RGS6: variants seen among roughly 807,000 people sequenced by gnomAD.
The protein encoded by RGS6 is regulator of G-protein signaling 6.
RGS6 carries 30 observed loss-of-function variants against 78.5 expected under a neutral mutation model. That is an observed-to-expected ratio of 0.38 (90% CI 0.29 to 0.52). RGS6 has a LOEUF of 0.52. Among genes scored for constraint, RGS6 ranks in the 20% least tolerant of loss-of-function variants. The pLI is 0.85. For missense variants in RGS6, 495 were observed against 609.7 expected, an observed-to-expected ratio of 0.81 and a Z score of 1.98; for synonymous variants, 206 against 206.0, an observed-to-expected ratio of 1.00 and a Z score of 0.00.
chr14:72,403,770 A>G (rs566895271), intron 3 of RGS6, among the ~76,000 whole-genome samples: 75 of 152,338 alleles, frequency 4.9e-4, no homozygotes, highest in Non-Finnish European at 3.5e-4. Flanking sequence ...TATTGAAAGC[A>G]AAAGAAAAAA....
intron 10 of RGS6, 57 bp downstream of exon 10, chr14:72,474,756 G>C (rs1227710004): frequency 1.0e-5 from 14 of 1,363,210 alleles, no homozygotes; most frequent in Non-Finnish European, 1.3e-5. Flanking sequence ...TCCAGTTCTA[G>C]TACTATTCAA....
the RGS6 span, among the ~76,000 whole-genome samples, chr14:71,872,946 C>G: frequency 6.6e-6 from 1 of 152,162 alleles, no homozygotes; most frequent in Non-Finnish European, 1.5e-5. Flanking sequence ...CCAACTTCAT[C>G]CATGACCCTA....
Position 72,020,487 on chromosome 14 carries a change from G to A in RGS6, c.84+55612G>A, listed in dbSNP as rs973642406. ...CATGGTCTGAGGTGTGACCTTCATG[G>A]TGGGCACACCTTGTCTCTCTTCTCT... On this transcript the variant is annotated intron_variant, in intron 2 of 17. Transcript: ENST00000553525. Among the ~76,000 whole-genome samples, 22 of 152,152 alleles carry A rather than the reference G, an allele frequency of 1.4e-4. 1 individual carries two copies. The highest frequency in any genetic ancestry group is 2.6e-4 in the Non-Finnish European group (18 of 68,032).
chr14:72,361,165 C>T (rs979255022), intron 3 of RGS6, among the ~76,000 whole-genome samples: 1 of 149,158 alleles, frequency 6.7e-6, no homozygotes, highest in African/African-American at 2.5e-5. Flanking sequence ...ATACAGTGAC[C>T]TTCTTAGGAT....
At chr14:72,476,300 C>G (rs548642379) in intron 10 of RGS6, among the ~76,000 whole-genome samples, 1 of 152,214 alleles carries the variant, frequency 6.6e-6, no homozygotes, top group Non-Finnish European at 1.5e-5. Flanking sequence ...TGTGCATACT[C>G]TTTGGCAGTG....
chr14:72,329,834 C>G (rs2152564482), intron 2 of RGS6, among the ~76,000 whole-genome samples: 2 of 152,274 alleles, frequency 1.3e-5, no homozygotes, highest in Non-Finnish European at 2.9e-5. Context: ...GTGCAACTGT[C>G]TCCTAGATGG....
intron 12 of RGS6, among the ~76,000 whole-genome samples, chr14:72,489,251 G>C (rs1404731891): frequency 6.6e-6 from 1 of 151,038 alleles, no homozygotes; most frequent in Non-Finnish European, 1.5e-5. Flanking sequence ...ATGTCATCGT[G>C]ACTCAGATCC....
At chr14:72,125,928 G>A (rs1331990938) in intron 2 of RGS6, among the ~76,000 whole-genome samples, 1 of 152,182 alleles carries the variant, frequency 6.6e-6, no homozygotes, top group East Asian at 1.9e-4. Context: ...CTGTTACCAT[G>A]ATGACCTATA....
At chr14:72,006,539 A>C (rs939530387) in intron 2 of RGS6, among the ~76,000 whole-genome samples, 1 of 152,212 alleles carries the variant, frequency 6.6e-6, no homozygotes, top group African/African-American at 2.4e-5. Context: ...CTAATAAAAA[A>C]TGGAAGCTGG....
chr14:72,315,413 A>G (rs1018138687), intron 2 of RGS6, among the ~76,000 whole-genome samples: 3 of 152,268 alleles, frequency 2.0e-5, no homozygotes, highest in Admixed American at 1.3e-4. Flanking sequence ...TTGGAAGTAT[A>G]TAGCACCTGC....
chr14:72,041,053 G>C (rs940562522), intron 2 of RGS6, among the ~76,000 whole-genome samples: 5 of 152,048 alleles, frequency 3.3e-5, no homozygotes, highest in African/African-American at 1.2e-4. Context: ...TGAATCCTTT[G>C]TCAGGTAATT....
At chr14:72,132,130 T>C (rs1224594787) in intron 2 of RGS6, among the ~76,000 whole-genome samples, 1 of 152,210 alleles carries the variant, frequency 6.6e-6, no homozygotes, top group East Asian at 1.9e-4. Flanking sequence ...CTATTGGACC[T>C]GATTAATTTA....
chr14:72,006,987 A>G (rs2084691629), intron 2 of RGS6, among the ~76,000 whole-genome samples: 2 of 152,162 alleles, frequency 1.3e-5, no homozygotes, highest in South Asian at 2.1e-4. Context: ...GAGAAATCCT[A>G]TTGGAAACTG....
intron 3 of RGS6, among the ~76,000 whole-genome samples, chr14:72,393,814 T>C (rs1287320468): frequency 6.6e-6 from 1 of 152,134 alleles, no homozygotes; most frequent in Non-Finnish European, 1.5e-5. Context: ...AGAAGGAAAA[T>C]AGACGAGTCT....
chr14:72,531,291 G>C (rs1248314318), intron 15 of RGS6, among the ~76,000 whole-genome samples: 2 of 152,100 alleles, frequency 1.3e-5, no homozygotes, highest in African/African-American at 4.8e-5. Flanking sequence ...AAATCAGCTG[G>C]GTGTGGTGGT....
At chr14:72,026,837 T>C (rs929525802) in intron 2 of RGS6, among the ~76,000 whole-genome samples, 7 of 152,188 alleles carry the variant, frequency 4.6e-5, no homozygotes, top group African/African-American at 1.4e-4. Context: ...CATCAGTATG[T>C]ATGTAGTGTA....
chr14:71,961,617 C>G (rs1180374177), intron 1 of RGS6, among the ~76,000 whole-genome samples: 5 of 152,200 alleles, frequency 3.3e-5, no homozygotes, highest in Non-Finnish European at 5.9e-5. Flanking sequence ...GCTGTATTGT[C>G]TCTTCTTGAA....
chr14:71,927,999 A>T (rs1399803667), upstream of RGS6, among the ~76,000 whole-genome samples: 2 of 151,990 alleles, frequency 1.3e-5, no homozygotes, highest in Non-Finnish European at 2.9e-5. Flanking sequence ...ATTACCATCT[A>T]TTTAAGAAAC....
the RGS6 span, among the ~76,000 whole-genome samples, chr14:71,920,168 G>A: frequency 6.6e-6 from 1 of 152,166 alleles, no homozygotes; most frequent in Admixed American, 6.5e-5. Flanking sequence ...TTCAGACGCA[G>A]GTCTTTGAGA....
Sources: allele counts gnomAD v4.1 joint callset (sites outside exome capture counted in the v4.1 genomes callset), GRCh38; gene constraint gnomAD v4.1.1; transcripts MANE v1.5; gene names NCBI Gene and HGNC (gene_info 2026-07-23, HGNC 2026-07-21).